The following RSKR variants were observed in gnomAD, a reference collection of about 807,000 sequenced individuals.
RSKR encodes the protein ribosomal protein S6 kinase-related protein.
RSKR carries 44 observed loss-of-function variants against 56.8 expected under a neutral mutation model. The observed-to-expected ratio is 0.77, with a 90% CI of 0.61 to 1.00. RSKR has a LOEUF of 1.00. Ranked by LOEUF, RSKR falls within the 50% of genes least tolerant of loss-of-function variation. The pLI, the probability that RSKR is intolerant of heterozygous loss-of-function variation, is 0.00. For synonymous variants in RSKR, 181 were observed against 188.0 expected, an observed-to-expected ratio of 0.96 and a Z score of 0.30; for missense variants, 510 against 506.9, an observed-to-expected ratio of 1.01 and a Z score of -0.06.
chr17:28,614,023 C>T (rs2070869147), intron 1 of RSKR, 64 bp downstream of exon 1: 2 of 1,586,082 alleles, frequency 1.3e-6, no homozygotes, highest in South Asian at 2.2e-5. Context: ...CAGGAACTTC[C>T]CAGGACTCAA....
Position 28,612,692 on chromosome 17 carries a change from GA to G in RSKR, c.478-6del, listed in dbSNP as rs764951113. On this transcript the variant is annotated splice_polypyrimidine_tract_variant and splice_region_variant and intron_variant, in intron 4 of 11. Coordinates refer to ENST00000301037, the MANE Select transcript of RSKR (RefSeq NM_001174103.2). ...AAAGGGATGGTTGATCTGTCGCTAG[GA>G]ACAAAGAAAACAGGAAGTTAGGGAG... 4 of 1,613,988 alleles carry G rather than the reference GA, an allele frequency of 2.5e-6. No homozygotes were observed. In the African/African-American group the frequency reaches 5.3e-5, roughly 22 times the overall value.
Position 28,612,371 on chromosome 17 carries a change from A to C in RSKR, c.548-5T>G. The C allele has an allele frequency of 1.9e-6, 3 of 1,613,190 alleles. No homozygotes were observed. Among genetic ancestry groups the C allele is most frequent in the African/African-American group, 1.3e-5 (1 of 75,030 alleles). On this transcript the variant is annotated splice_polypyrimidine_tract_variant and splice_region_variant and intron_variant, in intron 5 of 11. Transcript: ENST00000301037. ...CTGTGCTGCAGTAGCTACACACTGC[A>C]AAGCCAGTGTGGAGCTACATACATT... is the stretch of plus-strand genomic sequence containing the variant.
intron 11 of RSKR, 122 bp from the exon 12 acceptor site, chr17:28,610,821 T>A: frequency 1.0e-6 from 1 of 975,344 alleles, no homozygotes; most frequent in Non-Finnish European, 1.5e-6. Context: ...CCCTGAAGAG[T>A]AGATGATTTG....
At chr17:28,611,296 T>C (rs1226337230) in intron 10 of RSKR, 43 bp from the exon 11 acceptor site, 4 of 1,531,650 alleles carry the variant, frequency 2.6e-6, no homozygotes, top group Non-Finnish European at 3.5e-6. Flanking sequence ...TAGGGGTTCA[T>C]TCCTTAGTAG....
rs546648281 is a variant in RSKR, at chr17:28,609,229, C to T, written c.*1249G>A. On this transcript the variant is annotated 3_prime_UTR_variant, in exon 12 of 12. Coordinates refer to ENST00000301037, the MANE Select transcript of RSKR (RefSeq NM_001174103.2). ...AATTTTTGTATTTTTTTAGTAGACA[C>T]AAGGTTTCACCATGTTGGCCACGCT... 4 of 151,760 alleles carry T rather than the reference C, an allele frequency of 2.6e-5. No individual in the cohort carries two copies. Among genetic ancestry groups the T allele is most frequent in the African/African-American group, 9.7e-5 (4 of 41,404 alleles). The allele number at this position is 151,760 out of a possible 1,614,324, so 9.4% of individuals were successfully genotyped here.
Position 28,613,646 on chromosome 17 carries a change from T to TC in RSKR, c.117dup (p.Ser40GlufsTer60). On this transcript the variant is annotated frameshift_variant, in exon 2 of 12. Coordinates refer to ENST00000301037, the MANE Select transcript of RSKR (RefSeq NM_001174103.2). LOFTEE classifies it high-confidence loss of function. ...ATGGTTCCCAAACCTGTCCAGAGGC[T>TC]CTTCCAGCCTCGGGCCCAGGGACCC... The TC allele has an allele frequency of 1.2e-6, 2 of 1,614,074 alleles. No homozygotes were observed. The highest frequency in any genetic ancestry group is 1.7e-6 in the Non-Finnish European group (2 of 1,180,018).
In RSKR at chr17:28,611,750, G is replaced by C; in HGVS notation, c.721+18C>G. ...AAAGTACCTCTCATCCTGGGGCTAA[G>C]GAAGGAAAAAGACTTACCTCGTTCA... is the stretch of plus-strand genomic sequence containing the variant. On this transcript the variant is annotated intron_variant, in intron 8 of 11. Coordinates refer to ENST00000301037, the MANE Select transcript of RSKR (RefSeq NM_001174103.2). 1 of 1,614,130 alleles carries C rather than the reference G, an allele frequency of 6.2e-7. No homozygotes were observed. The highest frequency in any genetic ancestry group is 8.5e-7 in the Non-Finnish European group (1 of 1,180,010).
At position 28,613,653 on chromosome 17, in the gene RSKR, G is replaced by C. The variant is rs751842010; in HGVS notation, c.111C>G (p.Gly37=). ...GGNIRGPWAR[G]WKSLWTGLGT... ...CCAAACCTGTCCAGAGGCTCTTCCA[G>C]CCTCGGGCCCAGGGACCCCGGATGT... is the stretch of plus-strand genomic sequence containing the variant. The change falls in exon 2 of 12, where the codon GGC becomes GGG. Residue 37 remains glycine (G), a synonymous_variant. Coordinates refer to ENST00000301037, the MANE Select transcript of RSKR (RefSeq NM_001174103.2). 1 of 1,614,070 alleles carries C rather than the reference G, an allele frequency of 6.2e-7. No individual in the cohort carries two copies. Among genetic ancestry groups the C allele is most frequent in the Admixed American group, 1.7e-5 (1 of 60,020 alleles).
chr17:28,614,175 C>G lies in RSKR; in HGVS notation c.-14G>C. 8 of 1,612,990 alleles carry G rather than the reference C, an allele frequency of 5.0e-6. No homozygotes were observed. The highest frequency in any genetic ancestry group is 6.8e-6 in the Non-Finnish European group (8 of 1,179,954). On this transcript the variant is annotated 5_prime_UTR_variant, in exon 1 of 12. Transcript: ENST00000301037. ...TACTGCTCCCATTCCCAGCCTCTGC[C>G]TCCTCTCTCTGCTAAATCTGCTGTC...
rs1204789981 is a variant in RSKR, at chr17:28,608,926, A to C, written c.*1552T>G. On this transcript the variant is annotated 3_prime_UTR_variant, in exon 12 of 12. Transcript: ENST00000301037. ...AAAATTGTGAGAAATTAGTTTAAGA[A>C]AAATGAAAAGAAGTCATAAAGGCCA... is the stretch of plus-strand genomic sequence containing the variant. 1 of 152,210 alleles carries C rather than the reference A, an allele frequency of 6.6e-6. No homozygotes were observed. Among genetic ancestry groups the C allele is most frequent in the African/African-American group, 2.4e-5 (1 of 41,462 alleles). The allele number at this position is 152,210 out of a possible 1,614,324, so 9.4% of individuals were successfully genotyped here.
In RSKR at chr17:28,612,939, C is replaced by T. The variant is rs1033882714; in HGVS notation, c.477+139G>A. The T allele has an allele frequency of 2.2e-4, 203 of 942,134 alleles. 2 individuals carry two copies. In the South Asian group the frequency reaches 2.4e-3, roughly 11 times the overall value. 58.4% of individuals were successfully genotyped at this position (942,134 alleles called of 1,614,324 possible). A position where few individuals can be genotyped will look rare whatever the true frequency, so the allele number is the denominator to read the frequency against. On this transcript the variant is annotated intron_variant, in intron 4 of 11. Coordinates refer to ENST00000301037, the MANE Select transcript of RSKR (RefSeq NM_001174103.2). ...AACTGTGTTGAGAGCTGATACTTTT[C>T]CCAGGATCTACTTTAGTGTTAAACT... is the stretch of plus-strand genomic sequence containing the variant.
At chr17:28,613,412 A>AC (rs1302529880) in intron 2 of RSKR, 28 bp downstream of exon 2, 2 of 1,614,072 alleles carry the variant, frequency 1.2e-6, no homozygotes, top group Non-Finnish European at 8.5e-7. Flanking sequence ...AAAGACTGAG[A>AC]CCCCACTCAG....
At position 28,613,077 on chromosome 17, in the gene RSKR, C is replaced by T. The variant is rs1371005454; in HGVS notation, c.477+1G>A. ...AATCCTTTCCAGGACTCTGTGCATA[C>T]CTGGATGCTAACCTCCTCTTTGCAC... On this transcript the variant is annotated splice_donor_variant, in intron 4 of 11. Transcript: ENST00000301037. LOFTEE classifies it high-confidence loss of function. 21 of 1,614,118 alleles carry T rather than the reference C, an allele frequency of 1.3e-5. No individual in the cohort carries two copies. The highest frequency in any genetic ancestry group is 1.8e-5 in the Non-Finnish European group (21 of 1,180,004).
chr17:28,611,777 C>CT lies in RSKR; in HGVS notation c.711dup (p.Asp238ArgfsTer2). 1 of 1,614,222 alleles carries CT rather than the reference C, an allele frequency of 6.2e-7. No homozygotes were observed. Among genetic ancestry groups the CT allele is most frequent in the Non-Finnish European group, 8.5e-7 (1 of 1,180,040 alleles). ...AAGGAAAAAGACTTACCTCGTTCAT[C>CT]TAGAAGAATATTCTCCATCTGAAAG... On this transcript the variant is annotated frameshift_variant, in exon 8 of 12. Coordinates refer to ENST00000301037, the MANE Select transcript of RSKR (RefSeq NM_001174103.2). LOFTEE classifies it high-confidence loss of function.
chr17:28,613,974 C>T (rs2070867453), intron 1 of RSKR, 113 bp downstream of exon 1: 23 of 1,393,412 alleles, frequency 1.7e-5, no homozygotes, highest in Non-Finnish European at 2.3e-5. Context: ...GCCTCCCTGC[C>T]CCACCCCCAC....
rs1339988600 is a variant in RSKR, at chr17:28,611,417, C to G, written c.876G>C (p.Leu292Phe). 1 of 1,599,594 alleles carries G rather than the reference C, an allele frequency of 6.3e-7. No individual in the cohort carries two copies. The highest frequency in any genetic ancestry group is 8.5e-7 in the Non-Finnish European group (1 of 1,178,142). ...CCTTTCCAGTCGCCAGAGAGAAAAG[C>G]AAGACACCCAGGGACCACCAATCAG... is the stretch of plus-strand genomic sequence containing the variant. ...HAADWWSLGVLLFSLATGKFP... is the reference protein window; with the variant it reads ...HAADWWSLGVFLFSLATGKFP... Residue 292 changes from leucine (L) to phenylalanine (F), a missense_variant, in exon 10 of 12, where the codon TTG becomes TTC. Physicochemically the swap from Leu to Phe is conservative, Grantham distance 22 (BLOSUM62 0). Transcript: ENST00000301037.
intron 4 of RSKR, 43 bp downstream of exon 4, chr17:28,613,035 G>A: frequency 6.2e-7 from 1 of 1,600,892 alleles, no homozygotes; most frequent in Middle Eastern, 1.7e-4. Flanking sequence ...CCCTACCTGT[G>A]GCCTAGCTCT....
At chr17:28,611,363 C>T in intron 10 of RSKR, 30 bp downstream of exon 10, 1 of 1,544,158 alleles carries the variant, frequency 6.5e-7, no homozygotes, top group Non-Finnish European at 8.7e-7. Context: ...CAAAGCTCTT[C>T]TCTGCCCAAA....
intron 5 of RSKR, 46 bp from the exon 6 acceptor site, chr17:28,612,412 A>C (rs1369733215): frequency 1.3e-6 from 2 of 1,588,566 alleles, no homozygotes; most frequent in Admixed American, 1.7e-5. Context: ...AAGTCTAGGC[A>C]ATGTTTGGGA....
Sources: allele counts gnomAD v4.1 joint callset, GRCh38; gene constraint gnomAD v4.1.1; transcripts MANE v1.5; gene names NCBI Gene and HGNC (gene_info 2026-07-23, HGNC 2026-07-21).